Variants in FAT2 observed in about 807,000 individuals in gnomAD.
The protein encoded by FAT2 is FAT atypical cadherin 2, also known as protocadherin Fat 2.
A neutral mutation model predicts 295.3 loss-of-function variants in FAT2; 150 were observed. That is an observed-to-expected ratio of 0.51 (90% CI 0.44 to 0.58). The LOEUF (loss-of-function observed/expected upper bound fraction) is 0.58. Among genes scored for constraint, FAT2 ranks in the 20% least tolerant of loss-of-function variants. The pLI is 0.00. For missense variants in FAT2, 4,868 were observed against 5,442.7 expected, an observed-to-expected ratio of 0.89 and a Z score of 3.32; for synonymous variants, 2,026 against 2,150.3, an observed-to-expected ratio of 0.94 and a Z score of 1.60.
chr5:151,562,834 G>A (rs1236427546), intron 3 of FAT2, among the ~76,000 whole-genome samples: 1 of 152,234 alleles, frequency 6.6e-6, no homozygotes, highest in Non-Finnish European at 1.5e-5. Flanking sequence ...GCTTTGGGCA[G>A]GTGCTCCTGA....
At chr5:151,593,928 G>A (rs1004227276), upstream of FAT2, among the ~76,000 whole-genome samples, 4 of 152,020 alleles carry the variant, frequency 2.6e-5, no homozygotes, top group Non-Finnish European at 4.4e-5. Context: ...GCTTGAACCC[G>A]GGAGGTGGAG....
At position 151,542,742 on chromosome 5, in the gene FAT2, A is replaced by G. The variant is rs1435616123; in HGVS notation, c.8385T>C (p.Pro2795=). ...IQVGDVNDNR[P]VFEADPYKAV... Reference sequence around the variant, plus strand: ...CCTTATATGGATCAGCCTCAAATACAGGCCTATTGTCATTGACGTCTCCCA... The same window carrying G: ...CCTTATATGGATCAGCCTCAAATACGGGCCTATTGTCATTGACGTCTCCCA... Residue 2795 remains proline, a synonymous_variant, in exon 10 of 24, where the codon CCT becomes CCC. Transcript: ENST00000261800. 6.2e-7 allele frequency: 1 copy of G among 1,614,204 alleles called. No individual in the cohort carries two copies.
chr5:151,588,685 C>G lies in FAT2; in HGVS notation c.-21+2480G>C, dbSNP rs192633541. Among the ~76,000 whole-genome samples the G allele has an allele frequency of 1.2e-4, 19 of 152,106 alleles. No homozygotes were observed. The East Asian group carries it at 3.3e-3, about 26-fold the overall frequency. On this transcript the variant is annotated intron_variant, in intron 1 of 23. Transcript: ENST00000261800. ...CCCATGGCTTATCTTAGTAGGAGAG[C>G]CAATATAAAATAAGTCACACAAATA...
At chr5:151,522,769 G>A (rs1753610176) in intron 18 of FAT2, among the ~76,000 whole-genome samples, 1 of 152,148 alleles carries the variant, frequency 6.6e-6, no homozygotes, top group Non-Finnish European at 1.5e-5. Context: ...GTAAGGTCCT[G>A]GGGTAGGAAT....
intron 19 of FAT2, among the ~76,000 whole-genome samples, chr5:151,518,365 A>ATTATTATTATT (rs1554124031): frequency 7.2e-5 from 5 of 69,152 alleles, no homozygotes; most frequent in Admixed American, 3.2e-4. Context: ...TAATAATAAT[A>ATTATTATTATT]ATAATAATAA....
chr5:151,588,263 TGTGGGAGCCAAC>T (rs1258010177), intron 1 of FAT2, among the ~76,000 whole-genome samples: 2 of 152,204 alleles, frequency 1.3e-5, no homozygotes, highest in Admixed American at 6.5e-5. Flanking sequence ...CTCTGGAGGA[TGTGGGAGCCAAC>T]TGGCCTTCAA....
chr5:151,522,483 C>T (rs1753574101), intron 18 of FAT2, among the ~76,000 whole-genome samples: 1 of 152,214 alleles, frequency 6.6e-6, no homozygotes, highest in Non-Finnish European at 1.5e-5. Context: ...ACCATGCACC[C>T]TGCTCAGCCT....
chr5:151,586,961 G>A (rs918460879), intron 1 of FAT2, among the ~76,000 whole-genome samples: 1 of 152,050 alleles, frequency 6.6e-6, no homozygotes, highest in African/African-American at 2.4e-5. Context: ...GGGCAACATG[G>A]TGAAACCCTG....
chr5:151,556,934 G>C (rs931004856), intron 3 of FAT2, among the ~76,000 whole-genome samples: 1 of 152,132 alleles, frequency 6.6e-6, no homozygotes, highest in African/African-American at 2.4e-5. Context: ...TGAAACTCGG[G>C]GGAAAGCAAG....
chr5:151,574,247 C>T (rs985026640), intron 1 of FAT2, among the ~76,000 whole-genome samples: 4 of 152,208 alleles, frequency 2.6e-5, no homozygotes, highest in South Asian at 4.2e-4. Flanking sequence ...ACCTAAGCCC[C>T]GTGGACCTTT....
At chr5:151,554,890 C>T (rs1757550143) in intron 4 of FAT2, among the ~76,000 whole-genome samples, 1 of 152,236 alleles carries the variant, frequency 6.6e-6, no homozygotes, top group Non-Finnish European at 1.5e-5. Context: ...TGGAAGAAGA[C>T]AGAGTCAGAG....
chr5:151,579,393 G>A (rs376245536), intron 1 of FAT2, among the ~76,000 whole-genome samples: 3 of 151,956 alleles, frequency 2.0e-5, no homozygotes, highest in South Asian at 2.1e-4. Flanking sequence ...GCAACATATC[G>A]AGATCCCATC....
At chr5:151,516,858 C>A (rs1173727024) in intron 20 of FAT2, among the ~76,000 whole-genome samples, 1 of 152,146 alleles carries the variant, frequency 6.6e-6, no homozygotes. Context: ...GTAATCCTAG[C>A]ACTTTGGGAT....
intron 19 of FAT2, among the ~76,000 whole-genome samples, chr5:151,518,548 A>G (rs1753116745): frequency 6.6e-6 from 1 of 152,092 alleles, no homozygotes; most frequent in African/African-American, 2.4e-5. Flanking sequence ...TTGCCTCAGG[A>G]TAGTTCCTTG....
In FAT2 at chr5:151,566,443, G is replaced by A. The variant is rs373851434; in HGVS notation, c.2489C>T (p.Ser830Leu). The A allele has an allele frequency of 2.2e-5, 35 of 1,613,212 alleles. No homozygotes were observed. Among genetic ancestry groups the A allele is most frequent in the South Asian group, 2.1e-4 (19 of 90,916 alleles). ...FPPGGYQLTI[S>L]EDTEVGTTIA... ...TGTGGTTCCAACTTCTGTGTCCTCC[G>A]AGATGGTTAACTGGTACCCACCGGG... Residue 830 changes from serine (S) to leucine (L), a missense_variant, in exon 2 of 24, where the codon TCG (serine) becomes TTG (leucine). Coordinates refer to ENST00000261800, the MANE Select transcript of FAT2 (RefSeq NM_001447.3).
Position 151,521,586 on chromosome 5 carries a change from G to A in FAT2, c.11007C>T (p.Ala3669=), listed in dbSNP as rs148955895. ...LDIKRANIHL[A]SLQPAEAVAG... is the part of the protein sequence containing the mutation. The stretch of plus-strand genomic sequence containing the variant: ...CCACGGCCTCTGCAGGCTGGAGGCT[G>A]GCCAAGTGAATGTTAGCCCGTTTGA... The change falls in exon 19 of 24, where the codon GCC becomes GCT. Residue 3669 remains alanine, a synonymous_variant. Transcript: ENST00000261800. 9.9e-5 allele frequency: 159 copies of A among 1,614,030 alleles called. No homozygotes were observed. The highest frequency in any genetic ancestry group is 1.7e-4 in the Admixed American group (10 of 60,012).
chr5:151,568,136 T>C lies in FAT2; in HGVS notation c.796A>G (p.Ser266Gly). The C allele has an allele frequency of 6.2e-7, 1 of 1,614,218 alleles. No individual in the cohort carries two copies. The highest frequency in any genetic ancestry group is 1.1e-5 in the South Asian group (1 of 91,080). ...GTGGCATAGGTGGTACCATCATTGCTGTCTGGTGGAGTCACCACCACCGAA... is the reference window on the plus strand; with the variant it reads ...GTGGCATAGGTGGTACCATCATTGCCGTCTGGTGGAGTCACCACCACCGAA... Reference protein sequence around the residue: ...IASVVVTPPDSNDGTTYATVL... With the variant: ...IASVVVTPPDGNDGTTYATVL... Residue 266 changes from serine (S) to glycine (G), a missense_variant, in exon 2 of 24, where the codon AGC becomes GGC. By Grantham distance (56) the Ser-to-Gly change is moderately conservative. Around this residue, in one of 5 missense-constraint regions of FAT2, gnomAD observed 3,297 missense variants for 3,669.4 expected, o/e 0.90. Coordinates refer to ENST00000261800, the MANE Select transcript of FAT2 (RefSeq NM_001447.3).
At chr5:151,535,538 C>G (rs1755178701) in intron 12 of FAT2, among the ~76,000 whole-genome samples, 1 of 149,944 alleles carries the variant, frequency 6.7e-6, no homozygotes, top group Admixed American at 6.6e-5. Flanking sequence ...CCCCTTTCCT[C>G]ATGCCTCGCC....
rs1314517529 is a variant in FAT2 at position 151,566,784 on chromosome 5, G to A, written c.2148C>T (p.Asp716=). The change falls in exon 2 of 24, where the codon GAC becomes GAT. Residue 716 remains aspartate, a synonymous_variant. Coordinates refer to ENST00000261800, the MANE Select transcript of FAT2 (RefSeq NM_001447.3). The part of the protein sequence containing the change: ...QINHYTPQFE[D]HFPQSIDVLE... ...GGACATCAATGGATTGGGGGAAGTG[G>A]TCCTCAAACTGTGGGGTGTAATGAT... 1 of 1,614,192 alleles carries A rather than the reference G, an allele frequency of 6.2e-7. No homozygotes were observed. The highest frequency in any genetic ancestry group is 8.5e-7 in the Non-Finnish European group (1 of 1,180,028).
Sources: allele counts gnomAD v4.1 joint callset (sites outside exome capture counted in the v4.1 genomes callset), GRCh38; gene constraint gnomAD v4.1.1; regional missense constraint gnomAD v4.1.1; transcripts MANE v1.5; gene names NCBI Gene and HGNC (gene_info 2026-07-23, HGNC 2026-07-21).